STAG3: variants seen among roughly 807,000 people sequenced by gnomAD.
The protein encoded by STAG3 is cohesin subunit SA-3.
STAG3 carries 101 observed loss-of-function variants against 160.7 expected under a neutral mutation model. That is an observed-to-expected ratio of 0.63 (90% CI 0.54 to 0.74). STAG3 has a LOEUF of 0.74. Ranked by LOEUF, STAG3 falls within the 30% of genes least tolerant of loss-of-function variation. The pLI, the probability that STAG3 is intolerant of heterozygous loss-of-function variation, is 0.00. For missense variants in STAG3, 1,188 were observed against 1,517.4 expected (o/e 0.78, Z 3.61); for synonymous variants, 519 against 585.0 (o/e 0.89, Z 1.63).
At chr7:100,202,086 C>T in intron 23 of STAG3, 45 bp downstream of exon 23, 2 of 1,610,904 alleles carry the variant, frequency 1.2e-6, no homozygotes, top group Non-Finnish European at 1.7e-6. Flanking sequence ...GTATCCCTGC[C>T]CCCATTCCAA....
chr7:100,210,337 A>C (rs934759557), intron 29 of STAG3, among the ~76,000 whole-genome samples: 7 of 152,206 alleles, frequency 4.6e-5, no homozygotes, highest in African/African-American at 1.7e-4. Flanking sequence ...GTTAATGTCA[A>C]TTTGACTGAT....
In STAG3 at chr7:100,205,028, C is replaced by T. The variant is rs764426732; in HGVS notation, c.2975C>T (p.Ser992Phe). 1.1e-5 allele frequency: 17 copies of T among 1,613,846 alleles called. No homozygotes were observed. The highest frequency in any genetic ancestry group is 1.4e-5 in the Non-Finnish European group (17 of 1,179,930). Residue 992 changes from serine to phenylalanine, a missense_variant, in exon 28 of 34, where the codon TCT (serine) becomes TTT (phenylalanine). Coordinates refer to ENST00000615138, the MANE Select transcript of STAG3 (RefSeq NM_001282717.2). ...AGGGAAGGCATCCAGTTCTCCTTGTCTGAGCTTCCTCCAGCTGGCTCCTCC... is the reference window on the plus strand; with the variant it reads ...AGGGAAGGCATCCAGTTCTCCTTGTTTGAGCTTCCTCCAGCTGGCTCCTCC... ...LHKEGIQFSL[S>F]ELPPAGSSNQ... is the part of the protein sequence containing the mutation.
At chr7:100,180,744 A>G (rs1799593710) in intron 2 of STAG3, 72 bp downstream of exon 2, 13 of 909,742 alleles carry the variant, frequency 1.4e-5, no homozygotes, top group African/African-American at 3.2e-5. Flanking sequence ...TCCCACATTG[A>G]TGATAATATG....
chr7:100,193,950 T>C (rs1440538654), intron 8 of STAG3, among the ~76,000 whole-genome samples: 2 of 150,586 alleles, frequency 1.3e-5, no homozygotes, highest in African/African-American at 4.9e-5. Flanking sequence ...TTTTTTTTTT[T>C]TTTTTTTTTC....
In STAG3 at chr7:100,205,063, C is replaced by T. The variant is rs1801512747; in HGVS notation, c.3010C>T (p.Pro1004Ser). ...TCCAGCTGGCTCCTCCAATCAGCCT[C>T]CAAATCTGGCATTCCTGGAGCTCCT... ...LPPAGSSNQP[P>S]NLAFLELLSE... Residue 1004 changes from proline to serine, a missense_variant, in exon 28 of 34, where the codon CCA (proline) becomes TCA (serine). Pro to Ser is a moderately conservative substitution (Grantham distance 74). Around this residue, in one of 4 missense-constraint regions of STAG3, gnomAD observed 647 missense variants for 717.2 expected, o/e 0.90. Coordinates refer to ENST00000615138, the MANE Select transcript of STAG3 (RefSeq NM_001282717.2). 4 of 1,614,080 alleles carry T rather than the reference C, an allele frequency of 2.5e-6. No homozygotes were observed. The highest frequency in any genetic ancestry group is 3.4e-6 in the Non-Finnish European group (4 of 1,180,042).
intron 4 of STAG3, among the ~76,000 whole-genome samples, chr7:100,185,140 G>A (rs553586313): frequency 3.3e-5 from 5 of 152,152 alleles, no homozygotes; most frequent in African/African-American, 4.8e-5. Context: ...CCTCAGTGGC[G>A]AGGTGGTGAT....
In STAG3 at chr7:100,200,870, T is replaced by C; in HGVS notation, c.1962T>C (p.Asn654=). 1 of 1,614,218 alleles carries C rather than the reference T, an allele frequency of 6.2e-7. No homozygotes were observed. Among genetic ancestry groups the C allele is most frequent in the South Asian group, 1.1e-5 (1 of 91,084 alleles). ...CGCATGCCCTCTACCTGCTCTGTAA[T>C]CCCGAATTCACTTTCTTCAGCCGGG... ...AGAHALYLLC[N]PEFTFFSRAD... is the part of the protein sequence containing the mutation. Residue 654 remains asparagine, a synonymous_variant, in exon 19 of 34, where the codon AAT becomes AAC. Transcript: ENST00000615138.
At chr7:100,199,161 G>T (rs1425797138) in intron 14 of STAG3, 101 bp from the exon 15 acceptor site, 1 of 943,588 alleles carries the variant, frequency 1.1e-6, no homozygotes, top group Non-Finnish European at 1.7e-6. Context: ...AGAAGGATGG[G>T]AGTGGACACT....
chr7:100,195,768 GCTGT>G (rs901899414), intron 9 of STAG3, among the ~76,000 whole-genome samples: 11 of 152,314 alleles, frequency 7.2e-5, no homozygotes, highest in African/African-American at 2.6e-4. Context: ...GGCCCAGCCT[GCTGT>G]CTCACTGTGC....
At chr7:100,203,496 T>A (rs1043697279) in intron 25 of STAG3, among the ~76,000 whole-genome samples, 3 of 151,408 alleles carry the variant, frequency 2.0e-5, no homozygotes, top group Admixed American at 6.6e-5. Flanking sequence ...CATTATTTGT[T>A]TTTTATTTTA....
chr7:100,201,835 T>G lies in STAG3; in HGVS notation c.2270T>G (p.Leu757Arg), dbSNP rs149417685. 3.1e-6 allele frequency: 5 copies of G among 1,614,098 alleles called. No homozygotes were observed. In the African/African-American group the frequency reaches 5.3e-5, roughly 17 times the overall value. The change falls in exon 22 of 34, where the codon CTA becomes CGA. Residue 757 changes from leucine (L) to arginine (R), a missense_variant. Around this residue, in one of 4 missense-constraint regions of STAG3, gnomAD observed 647 missense variants for 717.2 expected, o/e 0.90. Coordinates refer to ENST00000615138, the MANE Select transcript of STAG3 (RefSeq NM_001282717.2). The part of the protein sequence containing the change: ...TLVYFSILWT[L>R]THISKSDASQ... ...GTCTATTTTTCCATTCTCTGGACAC[T>G]AACCCACATTTCTAAATCAGATGCT...
chr7:100,184,841 A>T (rs1408128125), intron 4 of STAG3, among the ~76,000 whole-genome samples: 1 of 151,960 alleles, frequency 6.6e-6, no homozygotes, highest in Non-Finnish European at 1.5e-5. Context: ...TTTATAATCT[A>T]TGATAAATTA....
rs576713863 is a variant in STAG3, at chr7:100,194,636, T to A, written c.868-673T>A. On this transcript the variant is annotated intron_variant, in intron 8 of 33. Transcript: ENST00000615138. Reference sequence around the variant, plus strand: ...GAGCCCGTCTCTACAAAAAAAAAAATTTTTTTTAACTAGCTGGGTGTGGCA... The same window carrying A: ...GAGCCCGTCTCTACAAAAAAAAAAAATTTTTTTAACTAGCTGGGTGTGGCA... Among the ~76,000 whole-genome samples the A allele has an allele frequency of 7.3e-3, 1,108 of 151,138 alleles. 6 individuals are homozygous for A. The highest frequency in any genetic ancestry group is 9.4e-3 in the Non-Finnish European group (634 of 67,692).
chr7:100,189,299 A>T, intron 7 of STAG3, 146 bp from the exon 8 acceptor site: 1 of 940,436 alleles, frequency 1.1e-6, no homozygotes, highest in Non-Finnish European at 1.6e-6. Context: ...AGTCCACTCC[A>T]GGACAGGCCG....
At chr7:100,213,643 C>G in intron 32 of STAG3, 92 bp from the exon 33 acceptor site, 1 of 1,595,620 alleles carries the variant, frequency 6.3e-7, no homozygotes, top group Non-Finnish European at 8.5e-7. Flanking sequence ...CATATTTGTT[C>G]TTATGAGGCT....
rs371957435 is a variant in STAG3 at position 100,205,378 on chromosome 7, G to A, written c.3232G>A (p.Val1078Ile). The change falls in exon 29 of 34, where the codon GTT becomes ATT. Residue 1078 changes from valine (V) to isoleucine (I), a missense_variant. Coordinates refer to ENST00000615138, the MANE Select transcript of STAG3 (RefSeq NM_001282717.2). ...CCTCCCCAGCTCCAAGAGGAGGCGC[G>A]TTGAAGGTAGGGTGCTGTGTGTGGG... ...QVLPSSKRRRVEGPAKPNRED... is the reference protein window; with the variant it reads ...QVLPSSKRRRIEGPAKPNRED... 3.9e-5 allele frequency: 63 copies of A among 1,612,480 alleles called. No individual in the cohort carries two copies. The highest frequency in any genetic ancestry group is 5.1e-5 in the Non-Finnish European group (60 of 1,179,366).
intron 6 of STAG3, 43 bp downstream of exon 6, chr7:100,188,572 A>G (rs370416281): frequency 5.7e-6 from 8 of 1,408,212 alleles, no homozygotes; most frequent in Middle Eastern, 3.5e-4. Context: ...TCTTATTTCA[A>G]AACACAATGC....
intron 3 of STAG3, 46 bp from the exon 4 acceptor site, chr7:100,182,677 C>T: frequency 1.9e-6 from 3 of 1,602,716 alleles, no homozygotes; most frequent in Non-Finnish European, 2.6e-6. Context: ...TCACTGTTAC[C>T]TTTTTTGTTT....
At chr7:100,209,013 C>T (rs1041298275) in intron 29 of STAG3, among the ~76,000 whole-genome samples, 2 of 151,802 alleles carry the variant, frequency 1.3e-5, no homozygotes, top group Non-Finnish European at 2.9e-5. Flanking sequence ...CAGTTCAGGG[C>T]GCCACCACCG....
Sources: gnomAD v4.1 joint callset for allele counts (sites outside exome capture counted in the v4.1 genomes callset) on GRCh38, gnomAD v4.1.1 for gene constraint, gnomAD v4.1.1 regional missense constraint, MANE v1.5 for transcripts, NCBI Gene and HGNC (gene_info 2026-07-23, HGNC 2026-07-21) for gene names.